The following WTAP variants were observed in gnomAD, a reference collection of about 807,000 sequenced individuals.
WTAP encodes WT1 associated protein, also known as pre-mRNA-splicing regulator WTAP.
Under a neutral mutation model 50.0 loss-of-function variants are expected in WTAP, and 8 were observed. The observed-to-expected ratio is 0.16, with a 90% CI of 0.09 to 0.29. The LOEUF (loss-of-function observed/expected upper bound fraction) is 0.29, where lower values mean the gene tolerates loss of function less well. WTAP is among the 10% of genes least tolerant of loss of function. WTAP has a pLI of 1.00. For synonymous variants in WTAP, 194 were observed against 169.0 expected (o/e 1.15, Z -1.15); for missense variants, 295 against 470.7 (o/e 0.63, Z 3.45).
Position 159,748,655 on chromosome 6 carries a change from T to C in WTAP, c.452+286T>C. ...TCCGAAAAATTCCCCTTCTAGAACA[T>C]GTAGACACTTGAGAAATGTTTCTGT... On this transcript the variant is annotated intron_variant, in intron 6 of 7. Transcript: ENST00000621533. This position sits in a 1 kb window ranked among gnomAD's most constrained non-coding sequence, Gnocchi z 5.6. The C allele has an allele frequency of 7.9e-7, 1 of 1,265,320 alleles. No homozygotes were observed. Among genetic ancestry groups the C allele is most frequent in the Non-Finnish European group, 9.9e-7 (1 of 1,007,372 alleles). 78.4% of individuals were successfully genotyped at this position (1,265,320 alleles called of 1,614,324 possible). A position where few individuals can be genotyped will look rare whatever the true frequency, so the allele number is the denominator to read the frequency against.
intron 3 of WTAP, among the ~76,000 whole-genome samples, chr6:159,741,300 G>GTTA (rs776407183): frequency 3.1e-4 from 47 of 152,318 alleles, no homozygotes; most frequent in Non-Finnish European, 5.3e-4. Flanking sequence ...GTTTCTGACA[G>GTTA]TTAGATGTGA....
At chr6:159,727,468 G>C (rs1248737318), upstream of WTAP, 55 of 993,282 alleles carry the variant, frequency 5.5e-5, 1 homozygote, top group South Asian at 1.9e-3. Context: ...GAGCGGAGCC[G>C]TGCGGCGGGG....
At chr6:159,740,673 G>A (rs146893519) in intron 3 of WTAP, among the ~76,000 whole-genome samples, 47 of 150,116 alleles carry the variant, frequency 3.1e-4, no homozygotes, top group Admixed American at 6.0e-4. Flanking sequence ...GATTAGTTTG[G>A]TATTAGGAAG....
rs2114945558 is a variant in WTAP at position 159,748,088 on chromosome 6, TAATG to T, written c.274-100_274-97del. ...TTCAGGATCAAAGAGGGGAGGAGCT[TAATG>T]AAAGAGTTGGTAAATCAAGTGAATG... On this transcript the variant is annotated intron_variant, in intron 5 of 7. Transcript: ENST00000621533. This position sits in a 1 kb window ranked among gnomAD's most constrained non-coding sequence, Gnocchi z 5.6. The T allele has an allele frequency of 1.4e-6, 2 of 1,382,814 alleles. No homozygotes were observed. Among genetic ancestry groups the T allele is most frequent in the African/African-American group, 1.4e-5 (1 of 69,192 alleles). The allele number at this position is 1,382,814 out of a possible 1,614,324, so 85.7% of individuals were successfully genotyped here.
intron 1 of WTAP, among the ~76,000 whole-genome samples, chr6:159,735,471 A>T (rs1562454478): frequency 6.6e-6 from 1 of 152,158 alleles, no homozygotes; most frequent in Non-Finnish European, 1.5e-5. Flanking sequence ...ATGTAATAGG[A>T]TGGGCGTGGT....
At chr6:159,732,561 G>A (rs549347438) in intron 1 of WTAP, among the ~76,000 whole-genome samples, 1 of 152,208 alleles carries the variant, frequency 6.6e-6, no homozygotes, top group Non-Finnish European at 1.5e-5. Flanking sequence ...TTGGCCGGGC[G>A]CAGTAGCTTA....
At chr6:159,745,140 C>T (rs535573400) in intron 5 of WTAP, 1 of 152,308 alleles carries the variant, frequency 6.6e-6, no homozygotes, top group East Asian at 1.9e-4. Flanking sequence ...CTTTAGACTG[C>T]TAGCACTTGG....
chr6:159,740,367 T>C (rs910831479), intron 3 of WTAP, among the ~76,000 whole-genome samples: 9 of 152,244 alleles, frequency 5.9e-5, no homozygotes, highest in African/African-American at 2.2e-4. Flanking sequence ...ACATCTTTCC[T>C]TAGGGAATTC....
At chr6:159,742,552 A>G (rs925295420) in intron 4 of WTAP, among the ~76,000 whole-genome samples, 1 of 152,188 alleles carries the variant, frequency 6.6e-6, no homozygotes, top group Non-Finnish European at 1.5e-5. Context: ...ATCAATATAT[A>G]TAACTTAATA....
At chr6:159,727,809 C>T in intron 1 of WTAP, 106 bp downstream of exon 1, 1 of 798,356 alleles carries the variant, frequency 1.3e-6, no homozygotes, top group Non-Finnish European at 1.5e-6. Context: ...GCCCGAAAGG[C>T]CACACGGGCC....
chr6:159,733,215 T>C (rs1171956529), intron 1 of WTAP, among the ~76,000 whole-genome samples: 1 of 152,230 alleles, frequency 6.6e-6, no homozygotes, highest in African/African-American at 2.4e-5. Context: ...TAATATGGTT[T>C]ATGTCTTCAT....
chr6:159,753,373 ATG>A (rs1779890768), intron 6 of WTAP, 85 bp from the exon 7 acceptor site: 1 of 1,558,284 alleles, frequency 6.4e-7, no homozygotes, highest in African/African-American at 1.4e-5. Context: ...TTATGTTTGT[ATG>A]TGTTACATCT....
rs1357406722 is a variant in WTAP at position 159,742,067 on chromosome 6, G to A, written c.87-21G>A. The A allele has an allele frequency of 4.5e-6, 7 of 1,551,600 alleles. No homozygotes were observed. In the African/African-American group the frequency reaches 6.9e-5, roughly 15 times the overall value. On this transcript the variant is annotated intron_variant, in intron 3 of 7. Coordinates refer to ENST00000621533, the MANE Select transcript of WTAP (RefSeq NM_001270531.2). ...AAACTATTTTATCGTAACAACTAAT[G>A]TATGGATTTTTTTTTATTAGATGGA...
chr6:159,755,255 A>G lies in WTAP; in HGVS notation c.835A>G (p.Asn279Asp). 4.3e-6 allele frequency: 7 copies of G among 1,614,214 alleles called. No homozygotes were observed. Among genetic ancestry groups the G allele is most frequent in the Non-Finnish European group, 5.9e-6 (7 of 1,180,036 alleles). ...CAGTCGTCTGACAAACGGACCAAGT[A>G]ATGGTAGCTCCTCCCGCCAGAGGAC... is the stretch of plus-strand genomic sequence containing the variant. ...DCSRLTNGPS[N>D]GSSSRQRTSG... is the part of the protein sequence containing the mutation. Residue 279 changes from asparagine to aspartate, a missense_variant, in exon 8 of 8, where the codon AAT becomes GAT. By Grantham distance (23) the Asn-to-Asp change is conservative (BLOSUM62 1). This residue lies in a region of WTAP where 175 missense variants were observed against 183.1 expected (regional missense o/e 0.96). Coordinates refer to ENST00000621533, the MANE Select transcript of WTAP (RefSeq NM_001270531.2).
chr6:159,727,588 G>C lies in WTAP; in HGVS notation c.-124G>C, dbSNP rs1044402167. The C allele has an allele frequency of 1.4e-5, 14 of 986,922 alleles. No homozygotes were observed. Among genetic ancestry groups the C allele is most frequent in the Middle Eastern group, 1.0e-3 (2 of 1,936 alleles). 61.1% of individuals were successfully genotyped at this position (986,922 alleles called of 1,614,324 possible). ...TGCGGCGGGACTAGGAGCGCGGCGG[G>C]GCCGGCGGCAGAGCTGTCCGGCTGC... On this transcript the variant is annotated 5_prime_UTR_variant, in exon 1 of 8. Coordinates refer to ENST00000621533, the MANE Select transcript of WTAP (RefSeq NM_001270531.2).
rs753058100 is a variant in WTAP at position 159,748,213 on chromosome 6, A to G, written c.296A>G (p.Gln99Arg). Reference protein sequence around the residue: ...ECTTQIQYLKQVQQPSVAQLR... With the variant: ...ECTTQIQYLKRVQQPSVAQLR... ...CAGACTCAAATCCAGTACCTCAAGC[A>G]AGTCCAGCAGCCGAGCGTTGCCCAA... The change falls in exon 6 of 8, where the codon CAA becomes CGA. Residue 99 changes from glutamine (Q) to arginine (R), a missense_variant. Coordinates refer to ENST00000621533, the MANE Select transcript of WTAP (RefSeq NM_001270531.2). This position sits in a 1 kb window ranked among gnomAD's most constrained non-coding sequence, Gnocchi z 5.6. The G allele has an allele frequency of 1.2e-6, 2 of 1,613,970 alleles. No homozygotes were observed. Among genetic ancestry groups the G allele is most frequent in the Admixed American group, 3.3e-5 (2 of 59,990 alleles).
intron 1 of WTAP, 81 bp downstream of exon 1, chr6:159,727,784 T>G (rs932017006): frequency 2.1e-6 from 2 of 955,890 alleles, no homozygotes; most frequent in Non-Finnish European, 2.5e-6. Flanking sequence ...CCCCGGCGGG[T>G]AAGGGGCGGG....
chr6:159,727,841 T>A (rs1375394545), intron 1 of WTAP, 138 bp downstream of exon 1: 13 of 569,388 alleles, frequency 2.3e-5, no homozygotes, highest in Admixed American at 6.4e-5. Context: ...CGGTCTCTCG[T>A]GAGCCGCTCT....
intron 1 of WTAP, among the ~76,000 whole-genome samples, chr6:159,735,141 T>A (rs1778826516): frequency 6.6e-6 from 1 of 151,920 alleles, no homozygotes; most frequent in African/African-American, 2.4e-5. Context: ...TGTATGTGAG[T>A]TTTTGTTGTT....
Sources: allele counts gnomAD v4.1 joint callset (sites outside exome capture counted in the v4.1 genomes callset), GRCh38; gene constraint gnomAD v4.1.1; regional missense constraint gnomAD v4.1.1; non-coding constraint Gnocchi (gnomAD v3.1); transcripts MANE v1.5; gene names NCBI Gene and HGNC (gene_info 2026-07-23, HGNC 2026-07-21).